The following RPS6KA5 variants were observed in gnomAD, a reference collection of about 807,000 sequenced individuals.
RPS6KA5 encodes the protein ribosomal protein S6 kinase alpha-5.
Under a neutral mutation model 85.5 loss-of-function variants are expected in RPS6KA5, and 27 were observed. That is an observed-to-expected ratio of 0.32 (90% CI 0.23 to 0.44). The LOEUF (loss-of-function observed/expected upper bound fraction) is 0.44, where lower values mean the gene tolerates loss of function less well. Among genes scored for constraint, RPS6KA5 ranks in the 20% least tolerant of loss-of-function variants. RPS6KA5 has a pLI of 1.00. For missense variants in RPS6KA5, 811 were observed against 980.9 expected, an observed-to-expected ratio of 0.83 and a Z score of 2.31; for synonymous variants, 334 against 348.2, an observed-to-expected ratio of 0.96 and a Z score of 0.46.
chr14:90,954,071 G>A (rs542716794), intron 3 of RPS6KA5, among the ~76,000 whole-genome samples: 2 of 152,250 alleles, frequency 1.3e-5, no homozygotes, highest in African/African-American at 4.8e-5. Context: ...TGGGCATCAC[G>A]GTCCTACCGA....
At chr14:90,964,802 C>T (rs1294461710) in intron 3 of RPS6KA5, among the ~76,000 whole-genome samples, 1 of 150,728 alleles carries the variant, frequency 6.6e-6, no homozygotes, top group African/African-American at 2.4e-5. Context: ...ATAGTCCCAG[C>T]TACTTGGGAG....
At chr14:90,916,865 G>A (rs1459175616) in intron 7 of RPS6KA5, among the ~76,000 whole-genome samples, 7 of 152,172 alleles carry the variant, frequency 4.6e-5, no homozygotes, top group Non-Finnish European at 7.4e-5. Context: ...AATGCCAATT[G>A]ATTGATATAA....
At chr14:90,873,828 G>T (rs1018300629) in intron 15 of RPS6KA5, 33 bp from the exon 16 acceptor site, 2 of 1,585,846 alleles carry the variant, frequency 1.3e-6, no homozygotes, top group Admixed American at 3.4e-5. Flanking sequence ...TTTATGATTT[G>T]TCATTTTAAA....
chr14:91,051,489 TA>T (rs1350163502), intron 1 of RPS6KA5, among the ~76,000 whole-genome samples: 1 of 150,840 alleles, frequency 6.6e-6, no homozygotes, highest in African/African-American at 2.5e-5. Flanking sequence ...AACATCCTTT[TA>T]TTTTTTTATT....
intron 1 of RPS6KA5, among the ~76,000 whole-genome samples, chr14:91,053,668 C>T (rs1394117613): frequency 5.3e-5 from 8 of 152,218 alleles, no homozygotes; most frequent in Non-Finnish European, 1.0e-4. Flanking sequence ...ACTCCTTAAA[C>T]GGAAAAACGT....
chr14:90,889,947 G>GA (rs1218710339), intron 14 of RPS6KA5, among the ~76,000 whole-genome samples: 26 of 151,852 alleles, frequency 1.7e-4, no homozygotes, highest in Admixed American at 1.1e-3. Flanking sequence ...GATATTTGGA[G>GA]AAAAAAAACA....
At position 90,923,019 on chromosome 14, in the gene RPS6KA5, C is replaced by T. The variant is rs76452074; in HGVS notation, c.702+94G>A. 4,046 of 841,506 alleles carry T rather than the reference C, an allele frequency of 4.8e-3. 110 individuals carry two copies. In the African/African-American group the frequency reaches 0.063, roughly 13 times the overall value. 52.1% of individuals were successfully genotyped at this position (841,506 alleles called of 1,614,324 possible). A position where few individuals can be genotyped will look rare whatever the true frequency, so the allele number is the denominator to read the frequency against. Reference sequence around the variant, plus strand: ...GGTAAGACAATCAACACCAGAAAGACGGCTCTGTTGAAGAGATGACCTAAG... The same window carrying T: ...GGTAAGACAATCAACACCAGAAAGATGGCTCTGTTGAAGAGATGACCTAAG... On this transcript the variant is annotated intron_variant, in intron 6 of 16. Coordinates refer to ENST00000614987, the MANE Select transcript of RPS6KA5 (RefSeq NM_004755.4).
At chr14:90,874,896 A>G (rs184365569) in intron 15 of RPS6KA5, among the ~76,000 whole-genome samples, 1 of 152,304 alleles carries the variant, frequency 6.6e-6, no homozygotes, top group Non-Finnish European at 1.5e-5. Context: ...CACTGTTGAC[A>G]GGAGGAAAGA....
At chr14:91,010,642 T>A (rs2041218677) in intron 1 of RPS6KA5, among the ~76,000 whole-genome samples, 2 of 152,096 alleles carry the variant, frequency 1.3e-5, no homozygotes, top group South Asian at 4.1e-4. Context: ...GGGGTGTGGA[T>A]GGAAAAACAA....
chr14:90,902,833 G>C lies in RPS6KA5; in HGVS notation c.1094C>G (p.Pro365Arg). ...CTGAAACAGCTTCTCAGAACTCTGG[G>C]GCAGGGCTGCGGGAGAATAAGTGGG... ...MDPTYSPAALPQSSEKLFQGY... is the reference protein window; with the variant it reads ...MDPTYSPAALRQSSEKLFQGY... The change falls in exon 9 of 17, where the codon CCC becomes CGC. Residue 365 changes from proline (P) to arginine (R), a missense_variant. Transcript: ENST00000614987. 6.2e-7 allele frequency: 1 copy of C among 1,613,878 alleles called. No individual in the cohort carries two copies. Among genetic ancestry groups the C allele is most frequent in the Non-Finnish European group, 8.5e-7 (1 of 1,179,882 alleles).
intron 1 of RPS6KA5, among the ~76,000 whole-genome samples, chr14:91,022,140 C>A (rs757352141): frequency 2.0e-5 from 3 of 152,134 alleles, no homozygotes; most frequent in Non-Finnish European, 4.4e-5. Context: ...TAAGGAATGC[C>A]TTATTCAGTT....
At chr14:90,951,535 C>A (rs763441909) in intron 3 of RPS6KA5, among the ~76,000 whole-genome samples, 1 of 152,052 alleles carries the variant, frequency 6.6e-6, no homozygotes, top group Non-Finnish European at 1.5e-5. Flanking sequence ...AAATTTTGAG[C>A]GCCCATCTAA....
chr14:90,997,605 G>A (rs1391296600), intron 2 of RPS6KA5, among the ~76,000 whole-genome samples: 1 of 152,082 alleles, frequency 6.6e-6, no homozygotes, highest in African/African-American at 2.4e-5. Context: ...AGTCTCCAAA[G>A]CAGCATTATT....
chr14:91,048,103 C>A (rs1359246935), intron 1 of RPS6KA5, among the ~76,000 whole-genome samples: 1 of 152,082 alleles, frequency 6.6e-6, no homozygotes, highest in Non-Finnish European at 1.5e-5. Flanking sequence ...ATGTGGGTAT[C>A]TTGGGGGAGT....
chr14:90,900,077 A>C (rs1386009425), intron 11 of RPS6KA5, 31 bp downstream of exon 11: 9 of 1,519,176 alleles, frequency 5.9e-6, no homozygotes, highest in Non-Finnish European at 7.1e-6. Flanking sequence ...TGAATACCTA[A>C]GAAAGAATAT....
At chr14:90,998,797 A>ACCAT (rs1387076584) in intron 2 of RPS6KA5, among the ~76,000 whole-genome samples, 4 of 152,204 alleles carry the variant, frequency 2.6e-5, no homozygotes, top group Admixed American at 2.6e-4. Flanking sequence ...CATTTTGCTT[A>ACCAT]TTCACTGGTA....
intron 7 of RPS6KA5, among the ~76,000 whole-genome samples, chr14:90,910,900 T>A (rs950656386): frequency 2.6e-5 from 4 of 152,022 alleles, no homozygotes; most frequent in African/African-American, 9.7e-5. Context: ...TTAGCCAGGA[T>A]CGTCTCGATC....
At chr14:91,051,176 T>C (rs960141961) in intron 1 of RPS6KA5, among the ~76,000 whole-genome samples, 1 of 151,972 alleles carries the variant, frequency 6.6e-6, no homozygotes, top group Admixed American at 6.6e-5. Context: ...GAGGCAGTGG[T>C]TGCAGTGAGC....
chr14:90,900,803 T>C lies in RPS6KA5; in HGVS notation c.1120-67A>G, dbSNP rs555153027. 5.1e-6 allele frequency: 7 copies of C among 1,365,926 alleles called. No individual in the cohort carries two copies. The East Asian group carries it at 7.7e-5, about 15-fold the overall frequency. The allele number at this position is 1,365,926 out of a possible 1,614,324, so 84.6% of individuals were successfully genotyped here. On this transcript the variant is annotated intron_variant, in intron 9 of 16. Transcript: ENST00000614987. The stretch of plus-strand genomic sequence containing the variant: ...GTTTTCCAGTTTAACACAGATTAGA[T>C]TGTAATGACTTTTTTTCCTTAGAAA...
Sources: gnomAD v4.1 joint callset for allele counts (sites outside exome capture counted in the v4.1 genomes callset) on GRCh38, gnomAD v4.1.1 for gene constraint, MANE v1.5 for transcripts, NCBI Gene and HGNC (gene_info 2026-07-23, HGNC 2026-07-21) for gene names.